Variants in HS2ST1 observed in about 807,000 individuals in gnomAD.
HS2ST1 encodes heparan sulfate 2-O-sulfotransferase 1, also known as 2-O-sulfotransferase.
HS2ST1 carries 18 observed loss-of-function variants against 42.9 expected under a neutral mutation model. That is an observed-to-expected ratio of 0.42 (90% CI 0.29 to 0.62). HS2ST1 has a LOEUF of 0.62. HS2ST1 is among the 20% of genes least tolerant of loss of function. The pLI is 0.21. For synonymous variants in HS2ST1, 146 were observed against 152.9 expected (o/e 0.95, Z 0.33); for missense variants, 334 against 433.8 (o/e 0.77, Z 2.04).
chr1:87,067,646 G>A (rs920273016), intron 1 of HS2ST1, among the ~76,000 whole-genome samples: 3 of 152,148 alleles, frequency 2.0e-5, no homozygotes, highest in African/African-American at 7.2e-5. Flanking sequence ...CTTTGCCCAT[G>A]CCTATGTCCT....
intron 1 of HS2ST1, among the ~76,000 whole-genome samples, chr1:86,955,951 T>G (rs72947895): frequency 0.024 from 3,588 of 152,274 alleles, 71 homozygotes; most frequent in African/African-American, 0.049. Context: ...ATCCTGCCAC[T>G]GTACTCCAGC....
At position 86,945,465 on chromosome 1, in the gene HS2ST1, T is replaced by G. The variant is rs565953369; in HGVS notation, c.124+30305T>G. ...GGCAGATATTATTCTCTGAAGAAAT[T>G]GGGATTTAGACAGACTAAATAGGTT... On this transcript the variant is annotated intron_variant, in intron 1 of 6. Transcript: ENST00000370550. Among the ~76,000 whole-genome samples, 221 of 152,314 alleles carry G rather than the reference T, an allele frequency of 1.5e-3. 1 individual carries two copies. Among genetic ancestry groups the G allele is most frequent in the Non-Finnish European group, 2.2e-3 (150 of 68,020 alleles).
At chr1:87,037,950 A>G (rs1650423319) in intron 1 of HS2ST1, among the ~76,000 whole-genome samples, 1 of 152,028 alleles carries the variant, frequency 6.6e-6, no homozygotes, top group African/African-American at 2.4e-5. Flanking sequence ...ATTTTCTTAT[A>G]CATTCAAGCA....
intron 1 of HS2ST1, among the ~76,000 whole-genome samples, chr1:87,043,387 T>C (rs565108000): frequency 5.3e-4 from 80 of 152,246 alleles, no homozygotes; most frequent in Non-Finnish European, 1.1e-3. Context: ...AATTAAGCCT[T>C]TAGATTGAAT....
At chr1:86,976,491 A>G (rs1648403156) in intron 1 of HS2ST1, among the ~76,000 whole-genome samples, 1 of 151,954 alleles carries the variant, frequency 6.6e-6, no homozygotes, top group Non-Finnish European at 1.5e-5. Context: ...GTTAGGTATA[A>G]TTAGAATTGA....
At chr1:86,933,168 G>A (rs189739787) in intron 1 of HS2ST1, among the ~76,000 whole-genome samples, 48 of 151,990 alleles carry the variant, frequency 3.2e-4, no homozygotes, top group Admixed American at 1.6e-3. Flanking sequence ...AGATTTTTTG[G>A]TGTTTATCCC....
At chr1:86,958,088 A>C (rs1647726319) in intron 1 of HS2ST1, among the ~76,000 whole-genome samples, 1 of 152,146 alleles carries the variant, frequency 6.6e-6, no homozygotes, top group African/African-American at 2.4e-5. Flanking sequence ...CATCACACCC[A>C]GCTAAGGGGT....
At chr1:87,007,177 ATT>A (rs1296961353) in intron 1 of HS2ST1, among the ~76,000 whole-genome samples, 1 of 152,064 alleles carries the variant, frequency 6.6e-6, no homozygotes, top group African/African-American at 2.4e-5. Context: ...AGAAACTCAG[ATT>A]TATCAGTTTA....
At chr1:87,095,008 CAT>C (rs1652029020) in intron 4 of HS2ST1, among the ~76,000 whole-genome samples, 1 of 152,048 alleles carries the variant, frequency 6.6e-6, no homozygotes, top group Non-Finnish European at 1.5e-5. Context: ...AGTCTTGAAA[CAT>C]ATTGGTGATT....
intron 1 of HS2ST1, among the ~76,000 whole-genome samples, chr1:86,992,373 T>C (rs927957708): frequency 6.6e-6 from 1 of 151,958 alleles, no homozygotes; most frequent in African/African-American, 2.4e-5. Flanking sequence ...TTTTTTTTTT[T>C]TGTGTGTGTG....
At chr1:86,940,850 C>T (rs1660745673) in intron 1 of HS2ST1, among the ~76,000 whole-genome samples, 1 of 151,970 alleles carries the variant, frequency 6.6e-6, no homozygotes, top group Admixed American at 6.6e-5. Context: ...AAAAATTTAC[C>T]ATGTGTGGTG....
intron 1 of HS2ST1, among the ~76,000 whole-genome samples, chr1:87,001,231 C>T (rs149370084): frequency 6.6e-6 from 1 of 152,094 alleles, no homozygotes; most frequent in Non-Finnish European, 1.5e-5. Flanking sequence ...ACACAGGCTA[C>T]TCCTCATAAT....
At position 87,107,057 on chromosome 1, in the gene HS2ST1, T is replaced by C. The variant is rs1388278354; in HGVS notation, c.*2361T>C. On this transcript the variant is annotated 3_prime_UTR_variant, in exon 7 of 7. Coordinates refer to ENST00000370550, the MANE Select transcript of HS2ST1 (RefSeq NM_012262.4). ...TTATGTAAACAAATGAGCACAGTTA[T>C]GTTCCAATAAAACTTTATTTACAAA... 2 of 152,102 alleles carry C rather than the reference T, an allele frequency of 1.3e-5. No individual in the cohort carries two copies. The highest frequency in any genetic ancestry group is 2.4e-5 in the African/African-American group (1 of 41,462). 9.4% of individuals were successfully genotyped at this position (152,102 alleles called of 1,614,324 possible).
At chr1:87,098,032 A>G in intron 5 of HS2ST1, 97 bp downstream of exon 5, 7 of 1,550,180 alleles carry the variant, frequency 4.5e-6, no homozygotes, top group Non-Finnish European at 6.1e-6. Context: ...GAAATCGGTG[A>G]AAGACTAGAC....
chr1:86,946,674 CT>C (rs879449624), intron 1 of HS2ST1, among the ~76,000 whole-genome samples: 17 of 152,196 alleles, frequency 1.1e-4, no homozygotes, highest in Admixed American at 6.5e-4. Flanking sequence ...ATAGGCCCCC[CT>C]GGCAACAAAA....
chr1:87,046,499 A>G (rs878889598), intron 1 of HS2ST1: 32 of 1,254,072 alleles, frequency 2.6e-5, no homozygotes, highest in East Asian at 4.7e-5. Flanking sequence ...AACTGGATAT[A>G]ATCCAGTTAA....
intron 1 of HS2ST1, among the ~76,000 whole-genome samples, chr1:86,998,796 G>A (rs1434837191): frequency 6.6e-6 from 1 of 152,002 alleles, no homozygotes; most frequent in African/African-American, 2.4e-5. Flanking sequence ...TAATATTAAG[G>A]CTGATTTATA....
chr1:87,056,628 CG>C (rs1269764478), intron 1 of HS2ST1, among the ~76,000 whole-genome samples: 11 of 152,230 alleles, frequency 7.2e-5, no homozygotes, highest in Admixed American at 3.3e-4. Flanking sequence ...TTGTATCTGC[CG>C]CTATGAACAT....
In HS2ST1 at chr1:86,994,421, G is replaced by A. The variant is rs558570624; in HGVS notation, c.125-78513G>A. ...TTCATTATGGGCAACAAAATTCCTT[G>A]GCTTTGTTACAGTTTACTAGGCCCC... is the stretch of plus-strand genomic sequence containing the variant. On this transcript the variant is annotated intron_variant, in intron 1 of 6. Transcript: ENST00000370550. 3.6e-4 allele frequency among the ~76,000 whole-genome samples: 55 copies of A among 152,214 alleles called. 1 individual carries two copies. The South Asian group carries it at 0.011, about 30-fold the overall frequency.
Sources: gnomAD v4.1 joint callset for allele counts (sites outside exome capture counted in the v4.1 genomes callset) on GRCh38, gnomAD v4.1.1 for gene constraint, MANE v1.5 for transcripts, NCBI Gene and HGNC (gene_info 2026-07-23, HGNC 2026-07-21) for gene names.